Variants in ADAMTSL4 observed in about 807,000 individuals in gnomAD.
ADAMTSL4 encodes ADAMTS like 4, also known as ADAMTS-like protein 4.
ADAMTSL4 carries 97 observed loss-of-function variants against 122.8 expected under a neutral mutation model. The observed-to-expected ratio is 0.79, with a 90% confidence interval of 0.67 to 0.93. The LOEUF is 0.93. Among genes scored for constraint, ADAMTSL4 ranks in the 40% least tolerant of loss-of-function variants. ADAMTSL4 has a pLI of 0.00. For missense variants in ADAMTSL4, 1,408 were observed against 1,453.5 expected, an observed-to-expected ratio of 0.97 and a Z score of 0.51; for synonymous variants, 592 against 568.0, an observed-to-expected ratio of 1.04 and a Z score of -0.60.
In ADAMTSL4 at chr1:150,556,095, G is replaced by A; in HGVS notation, c.1372-67G>A. 7 of 1,576,206 alleles carry A rather than the reference G, an allele frequency of 4.4e-6. No homozygotes were observed. The highest frequency in any genetic ancestry group is 6.1e-6 in the Non-Finnish European group (7 of 1,150,656). ...AGGGTAGTGAGCTGAGGCTCCCGAG[G>A]GGACCGGGGTGGGGTTGAGGTGGTG... On this transcript the variant is annotated intron_variant, in intron 8 of 18. Coordinates refer to ENST00000271643, the MANE Select transcript of ADAMTSL4 (RefSeq NM_019032.6). This position sits in a 1 kb window ranked among gnomAD's most constrained non-coding sequence, Gnocchi z 4.1.
In ADAMTSL4 at chr1:150,554,610, G is replaced by T; in HGVS notation, c.1234+143G>T. The T allele has an allele frequency of 1.9e-6, 3 of 1,547,298 alleles. No individual in the cohort carries two copies. Among genetic ancestry groups the T allele is most frequent in the Non-Finnish European group, 2.6e-6 (3 of 1,147,164 alleles). ...CCATGCCTTCTTTCTTCTCCCTGGGGCTGGGTCAGGAGACAGCACAGGTGG... is the reference window on the plus strand; with the variant it reads ...CCATGCCTTCTTTCTTCTCCCTGGGTCTGGGTCAGGAGACAGCACAGGTGG... On this transcript the variant is annotated intron_variant, in intron 7 of 18. Coordinates refer to ENST00000271643, the MANE Select transcript of ADAMTSL4 (RefSeq NM_019032.6). This position sits in a 1 kb window ranked among gnomAD's most constrained non-coding sequence, Gnocchi z 4.0.
At position 150,559,472 on chromosome 1, in the gene ADAMTSL4, T is replaced by C; in HGVS notation, c.2943+6T>C. On this transcript the variant is annotated splice_donor_region_variant and intron_variant, in intron 17 of 18. Transcript: ENST00000271643. The surrounding 1 kb of genome is among the most constrained non-coding windows in gnomAD (Gnocchi z 4.1). ...TTTCCACGCCCTGGAGCCCAGTGAG[T>C]GTCTGGCTGCGCTGTCCTGCCCTGC... 1 of 1,612,814 alleles carries C rather than the reference T, an allele frequency of 6.2e-7. No homozygotes were observed. The highest frequency in any genetic ancestry group is 8.5e-7 in the Non-Finnish European group (1 of 1,179,928).
chr1:150,551,183 T>C lies in ADAMTSL4; in HGVS notation c.-84-1022T>C, dbSNP rs1570914575. 8.3e-6 allele frequency: 3 copies of C among 360,762 alleles called. No individual in the cohort carries two copies. The East Asian group carries it at 2.2e-4, about 27-fold the overall frequency. The allele number at this position is 360,762 out of a possible 1,614,324, so 22.3% of individuals were successfully genotyped here. ...CTCTTCAGAATGAGAGGCCTGTGGCTGGGGCATGAGGCAGCCCCGGCTGCA... is the reference window on the plus strand; with the variant it reads ...CTCTTCAGAATGAGAGGCCTGTGGCCGGGGCATGAGGCAGCCCCGGCTGCA... On this transcript the variant is annotated intron_variant, in intron 2 of 18. Transcript: ENST00000271643.
At position 150,554,588 on chromosome 1, in the gene ADAMTSL4, T is replaced by A. The variant is rs1671814839; in HGVS notation, c.1234+121T>A. The A allele has an allele frequency of 7.7e-6, 12 of 1,552,840 alleles. No individual in the cohort carries two copies. Among genetic ancestry groups the A allele is most frequent in the Non-Finnish European group, 1.0e-5 (12 of 1,148,284 alleles). On this transcript the variant is annotated intron_variant, in intron 7 of 18. Transcript: ENST00000271643. The surrounding 1 kb of genome is among the most constrained non-coding windows in gnomAD (Gnocchi z 4.0). ...CAGCCCCTCTGCTTCCCCTGCGCCA[T>A]GCCTTCTTTCTTCTCCCTGGGGCTG...
rs587739158 is a variant in ADAMTSL4, at chr1:150,553,903, G to A, written c.912G>A (p.Ser304=). The A allele has an allele frequency of 8.1e-6, 13 of 1,612,826 alleles. No homozygotes were observed. Among genetic ancestry groups the A allele is most frequent in the Middle Eastern group, 1.7e-4 (1 of 6,060 alleles). ...GGAGACGCCCTGATCCTTTTCCTTCGGTCCCTCGGGGCCGAGGCCAGCAGG... is the reference window on the plus strand; with the variant it reads ...GGAGACGCCCTGATCCTTTTCCTTCAGTCCCTCGGGGCCGAGGCCAGCAGG... ...VAGRRPDPFP[S]VPRGRGQQGQ... is the part of the protein sequence containing the mutation. The change falls in exon 6 of 19, where the codon TCG becomes TCA. Residue 304 remains serine (S), a synonymous_variant. Coordinates refer to ENST00000271643, the MANE Select transcript of ADAMTSL4 (RefSeq NM_019032.6).
intron 8 of ADAMTSL4, chr1:150,555,823 GT>G: frequency 1.6e-6 from 1 of 617,100 alleles, no homozygotes; most frequent in South Asian, 1.8e-5. Flanking sequence ...GCACACACAC[GT>G]ATGCAGACAC....
chr1:150,557,888 A>G, intron 13 of ADAMTSL4, 57 bp from the exon 14 acceptor site: 2 of 1,564,594 alleles, frequency 1.3e-6, no homozygotes, highest in Non-Finnish European at 1.7e-6. Flanking sequence ...CTGCCACGGC[A>G]GCCCCACACA....
Position 150,553,234 on chromosome 1 carries a change from G to C in ADAMTSL4, c.415G>C (p.Glu139Gln). The C allele has an allele frequency of 6.2e-7, 1 of 1,609,068 alleles. No individual in the cohort carries two copies. Residue 139 changes from glutamate to glutamine, a missense_variant, in exon 5 of 19, where the codon GAG becomes CAG. Coordinates refer to ENST00000271643, the MANE Select transcript of ADAMTSL4 (RefSeq NM_019032.6). ...ASHLGREETQ[E>Q]IRAARRSRLR... ...CCACCTAGGGAGAGAGGAGACCCAG[G>C]AGATTCGAGCGGCCAGGAGGTGAGA...
Position 150,559,379 on chromosome 1 carries a change from C to T in ADAMTSL4, c.2856C>T (p.Asn952=), listed in dbSNP as rs1482465742. The T allele has an allele frequency of 1.2e-6, 2 of 1,613,910 alleles. No homozygotes were observed. The highest frequency in any genetic ancestry group is 1.7e-6 in the Non-Finnish European group (2 of 1,180,020). ...GTEFNVTSPS[N]CSHLPRPPAL... ...AGTTCAACGTGACTTCTCCGAGCAA[C>T]TGTTCTCACCTCCCCAGGCCCCCTG... The change falls in exon 17 of 19, where the codon AAC becomes AAT. Residue 952 remains asparagine, a synonymous_variant. Transcript: ENST00000271643. This position sits in a 1 kb window ranked among gnomAD's most constrained non-coding sequence, Gnocchi z 4.1.
chr1:150,555,175 A>G (rs1407245245), intron 7 of ADAMTSL4, among the ~76,000 whole-genome samples: 1 of 151,896 alleles, frequency 6.6e-6, no homozygotes, highest in Non-Finnish European at 1.5e-5. Flanking sequence ...TTTGTAGTGG[A>G]GATGGGGTTT....
At position 150,553,735 on chromosome 1, in the gene ADAMTSL4, C is replaced by T. The variant is rs587616373; in HGVS notation, c.744C>T (p.Pro248=). ...TGGCCCCCAGAACCAGGCCTGCCCC[C>T]CTACGGCATCACCCCAGAGCCCAGG... is the stretch of plus-strand genomic sequence containing the variant. The part of the protein sequence containing the change: ...TEVAPRTRPA[P]LRHHPRAQAS... The change falls in exon 6 of 19, where the codon CCC becomes CCT. Residue 248 remains proline (P), a synonymous_variant. Transcript: ENST00000271643. The T allele has an allele frequency of 3.0e-5, 48 of 1,613,456 alleles. No homozygotes were observed. The East Asian group carries it at 7.6e-4, about 25-fold the overall frequency.
Position 150,556,325 on chromosome 1 carries a change from G to A in ADAMTSL4, c.1535G>A (p.Arg512Gln), listed in dbSNP as rs763118688. Residue 512 changes from arginine to glutamine, a missense_variant, in exon 9 of 19, where the codon CGG becomes CAG. Arg to Gln is a conservative substitution (Grantham distance 43, BLOSUM62 1). Transcript: ENST00000271643. This position sits in a 1 kb window ranked among gnomAD's most constrained non-coding sequence, Gnocchi z 4.1. ...KILWIPAGALRLQIAQLRPSS... is the reference protein window; with the variant it reads ...KILWIPAGALQLQIAQLRPSS... Reference sequence around the variant, plus strand: ...TTGTGGATTCCAGCGGGAGCCTTGCGGCTCCAGATTGCCCAGCTCCGGCCT... The same window carrying A: ...TTGTGGATTCCAGCGGGAGCCTTGCAGCTCCAGATTGCCCAGCTCCGGCCT... 16 of 1,613,946 alleles carry A rather than the reference G, an allele frequency of 9.9e-6. No individual in the cohort carries two copies. Among genetic ancestry groups the A allele is most frequent in the Admixed American group, 1.7e-5 (1 of 60,006 alleles).
rs1332054292 is a variant in ADAMTSL4, at chr1:150,560,095, C to G, written c.3124C>G (p.Leu1042Val). ...QCKDSSPHCP[L>V]VVQARLCVYP... Reference sequence around the variant, plus strand: ...CAAGGACAGCTCTCCACATTGCCCCCTGGTGGTACAGGCCCGGCTCTGCGT... The same window carrying G: ...CAAGGACAGCTCTCCACATTGCCCCGTGGTGGTACAGGCCCGGCTCTGCGT... The change falls in exon 19 of 19, where the codon CTG becomes GTG. Residue 1042 changes from leucine to valine, a missense_variant. Physicochemically the swap from Leu to Val is conservative, Grantham distance 32 (BLOSUM62 1). Coordinates refer to ENST00000271643, the MANE Select transcript of ADAMTSL4 (RefSeq NM_019032.6). 3.7e-6 allele frequency: 6 copies of G among 1,614,136 alleles called. No individual in the cohort carries two copies. The highest frequency in any genetic ancestry group is 1.6e-4 in the Middle Eastern group (1 of 6,062).
At chr1:150,550,388 C>T (rs1570910723) in intron 2 of ADAMTSL4, 2 of 444,284 alleles carry the variant, frequency 4.5e-6, no homozygotes, top group Non-Finnish European at 9.0e-6. Context: ...CCAGGCCTGG[C>T]CCGGGCCCCG....
chr1:150,559,486 G>A lies in ADAMTSL4; in HGVS notation c.2943+20G>A, dbSNP rs372000012. 1.4e-4 allele frequency: 227 copies of A among 1,612,344 alleles called. 2 individuals carry two copies. In the South Asian group the frequency reaches 2.4e-3, roughly 17 times the overall value. Reference sequence around the variant, plus strand: ...AGCCCAGTGAGTGTCTGGCTGCGCTGTCCTGCCCTGCTCAGCCTGGGCCCC... The same window carrying A: ...AGCCCAGTGAGTGTCTGGCTGCGCTATCCTGCCCTGCTCAGCCTGGGCCCC... On this transcript the variant is annotated intron_variant, in intron 17 of 18. Transcript: ENST00000271643. This position sits in a 1 kb window ranked among gnomAD's most constrained non-coding sequence, Gnocchi z 4.1.
rs1235850399 is a variant in ADAMTSL4, at chr1:150,556,447, AAC to A, written c.1576+83_1576+84del. 2 of 1,589,686 alleles carry A rather than the reference AAC, an allele frequency of 1.3e-6. No individual in the cohort carries two copies. The highest frequency in any genetic ancestry group is 1.3e-5 in the African/African-American group (1 of 74,428). On this transcript the variant is annotated intron_variant, in intron 9 of 18. Transcript: ENST00000271643. This position sits in a 1 kb window ranked among gnomAD's most constrained non-coding sequence, Gnocchi z 4.1. ...CCTACTCAGAGCAGTGAGCAAGCCA[AAC>A]AGGGGGAAGTCCAGGGCCTAGCCCC...
Position 150,553,954 on chromosome 1 carries a change from G to A in ADAMTSL4, c.963G>A (p.Gly321=), listed in dbSNP as rs746490683. Residue 321 remains glycine (G), a synonymous_variant, in exon 6 of 19, where the codon GGG becomes GGA. Coordinates refer to ENST00000271643, the MANE Select transcript of ADAMTSL4 (RefSeq NM_019032.6). ...QQGQGPWGTG[G]TPHGPRLEPD... is the part of the protein sequence containing the mutation. ...GCCAAGGGCCTTGGGGAACGGGGGG[G>A]ACTCCTCACGGGCCCCGCCTGGAGC... 3.7e-5 allele frequency: 59 copies of A among 1,610,040 alleles called. No individual in the cohort carries two copies. Among genetic ancestry groups the A allele is most frequent in the Non-Finnish European group, 4.8e-5 (57 of 1,178,652 alleles).
intron 2 of ADAMTSL4, chr1:150,550,417 A>C: frequency 2.3e-6 from 1 of 429,390 alleles, no homozygotes; most frequent in Non-Finnish European, 4.7e-6. Context: ...CGTCACCCCC[A>C]CCCCTCACTT....
At position 150,559,245 on chromosome 1, in the gene ADAMTSL4, G is replaced by T. The variant is rs774749161; in HGVS notation, c.2764-42G>T. ...CTTGTGGGCACTTGGGGTGCTCTCT[G>T]TCCTCCCCTCCCCTCATCACCCTGC... On this transcript the variant is annotated intron_variant, in intron 16 of 18. Transcript: ENST00000271643. The surrounding 1 kb of genome is among the most constrained non-coding windows in gnomAD (Gnocchi z 4.1). 3.1e-6 allele frequency: 5 copies of T among 1,612,982 alleles called. No homozygotes were observed. Among genetic ancestry groups the T allele is most frequent in the Non-Finnish European group, 8.5e-7 (1 of 1,179,606 alleles).
Sources: gnomAD v4.1 joint callset for allele counts (sites outside exome capture counted in the v4.1 genomes callset) on GRCh38, gnomAD v4.1.1 for gene constraint, Gnocchi (gnomAD v3.1) non-coding constraint, MANE v1.5 for transcripts, NCBI Gene and HGNC (gene_info 2026-07-23, HGNC 2026-07-21) for gene names.